CNTNAP2: variants seen among roughly 807,000 people sequenced by gnomAD.
The protein encoded by CNTNAP2 is contactin-associated protein-like 2.
A neutral mutation model predicts 155.2 loss-of-function variants in CNTNAP2; 98 were observed. The observed-to-expected ratio is 0.63, with a 90% CI of 0.54 to 0.75. The LOEUF is 0.75. Among genes scored for constraint, CNTNAP2 ranks in the 30% least tolerant of loss-of-function variants. The pLI, the probability that CNTNAP2 is intolerant of heterozygous loss-of-function variation, is 0.00. For synonymous variants in CNTNAP2, 651 were observed against 631.2 expected (o/e 1.03, Z -0.47); for missense variants, 1,727 against 1,688.1 (o/e 1.02, Z -0.40).
chr7:147,158,398 TATG>T (rs1208657842), intron 8 of CNTNAP2, among the ~76,000 whole-genome samples: 1 of 152,116 alleles, frequency 6.6e-6, no homozygotes, highest in Non-Finnish European at 1.5e-5. Context: ...TAATGCTATT[TATG>T]ATAATAGTTC....
At position 146,801,463 on chromosome 7, in the gene CNTNAP2, C is replaced by T. The variant is rs79135024; in HGVS notation, c.208+27082C>T. Reference sequence around the variant, plus strand: ...GGTACAAATTAAGTAATATATGTTCCATGGAATTATTAAACTTTCTCCACA... The same window carrying T: ...GGTACAAATTAAGTAATATATGTTCTATGGAATTATTAAACTTTCTCCACA... On this transcript the variant is annotated intron_variant, in intron 2 of 23. Transcript: ENST00000361727. Among the ~76,000 whole-genome samples, 95 of 152,192 alleles carry T rather than the reference C, an allele frequency of 6.2e-4. No individual in the cohort carries two copies. The East Asian group carries it at 0.018, about 28-fold the overall frequency.
At chr7:147,321,505 A>G (rs1318099505) in intron 9 of CNTNAP2, among the ~76,000 whole-genome samples, 3 of 152,138 alleles carry the variant, frequency 2.0e-5, no homozygotes, top group Non-Finnish European at 4.4e-5. Context: ...TAGACTGTCA[A>G]CATAAGAAGA....
chr7:146,227,982 T>C (rs1362520421), intron 1 of CNTNAP2, among the ~76,000 whole-genome samples: 1 of 152,146 alleles, frequency 6.6e-6, no homozygotes, highest in Non-Finnish European at 1.5e-5. Context: ...CTGTATTTGG[T>C]TTTGTTATTA....
chr7:147,354,116 C>T (rs1056128223), intron 9 of CNTNAP2, among the ~76,000 whole-genome samples: 6 of 152,018 alleles, frequency 3.9e-5, no homozygotes, highest in Non-Finnish European at 7.4e-5. Flanking sequence ...GTTTCTTTTG[C>T]TGTGCAGAAG....
chr7:147,463,025 A>G (rs1798051983), intron 10 of CNTNAP2, among the ~76,000 whole-genome samples: 1 of 152,330 alleles, frequency 6.6e-6, no homozygotes, highest in South Asian at 2.1e-4. Context: ...CTTTACTAAA[A>G]CAAAGCATGA....
chr7:147,305,695 C>A (rs1253000432), intron 9 of CNTNAP2, among the ~76,000 whole-genome samples: 4 of 152,102 alleles, frequency 2.6e-5, no homozygotes, highest in African/African-American at 9.7e-5. Context: ...CAAATTGAAT[C>A]CTAAACAAAC....
intron 7 of CNTNAP2, among the ~76,000 whole-genome samples, chr7:147,130,245 C>T (rs1801325614): frequency 1.3e-5 from 2 of 150,724 alleles, no homozygotes; most frequent in South Asian, 4.1e-4. Flanking sequence ...GAGACCATGT[C>T]TCTACAACAA....
At chr7:146,227,844 G>T (rs1051180783) in intron 1 of CNTNAP2, among the ~76,000 whole-genome samples, 7 of 152,200 alleles carry the variant, frequency 4.6e-5, no homozygotes, top group Non-Finnish European at 1.0e-4. Context: ...TAAATAAATA[G>T]GAGGTGAGAA....
intron 1 of CNTNAP2, among the ~76,000 whole-genome samples, chr7:146,346,074 G>A (rs1322808326): frequency 1.3e-5 from 2 of 152,176 alleles, no homozygotes; most frequent in Non-Finnish European, 2.9e-5. Flanking sequence ...ATTAATGCAA[G>A]ACACAGATCA....
At chr7:146,130,242 G>A (rs566991118) in intron 1 of CNTNAP2, among the ~76,000 whole-genome samples, 51 of 152,312 alleles carry the variant, frequency 3.3e-4, no homozygotes, top group Non-Finnish European at 5.3e-4. Flanking sequence ...CAAGAGGATT[G>A]CTTGAGGCCA....
chr7:146,721,369 A>ATATATACATTCTATATACATTC (rs879846295), intron 1 of CNTNAP2, among the ~76,000 whole-genome samples: 1 of 124,478 alleles, frequency 8.0e-6, no homozygotes, highest in Non-Finnish European at 1.6e-5. Context: ...TATACATTCT[A>ATATATACATTCTATATACATTC]TATATACATT....
chr7:147,542,944 T>C (rs1436448352), intron 11 of CNTNAP2, among the ~76,000 whole-genome samples: 3 of 152,132 alleles, frequency 2.0e-5, no homozygotes, highest in African/African-American at 7.2e-5. Flanking sequence ...AAACCTAGAT[T>C]TTCCTTTGGG....
At chr7:146,260,100 G>T (rs1161352595) in intron 1 of CNTNAP2, among the ~76,000 whole-genome samples, 1 of 152,222 alleles carries the variant, frequency 6.6e-6, no homozygotes, top group African/African-American at 2.4e-5. Context: ...GCTTCAGAGG[G>T]TGCAAGCCCC....
At chr7:147,003,055 A>T (rs111352330) in intron 3 of CNTNAP2, among the ~76,000 whole-genome samples, 2,248 of 152,072 alleles carry the variant, frequency 0.015, 62 homozygotes, top group African/African-American at 0.052. Flanking sequence ...ATTATGAGGA[A>T]GAGAAGTCCC....
intron 1 of CNTNAP2, among the ~76,000 whole-genome samples, chr7:146,186,398 G>A (rs187696283): frequency 9.2e-5 from 14 of 152,000 alleles, no homozygotes; most frequent in African/African-American, 2.7e-4. Context: ...AGAATTATAC[G>A]CTTTAAATTT....
intron 4 of CNTNAP2, among the ~76,000 whole-genome samples, chr7:147,071,009 T>A (rs1219660938): frequency 1.3e-5 from 2 of 152,048 alleles, no homozygotes; most frequent in Non-Finnish European, 2.9e-5. Flanking sequence ...CCTCTCTTTT[T>A]CTCCCAGGAC....
intron 14 of CNTNAP2, among the ~76,000 whole-genome samples, chr7:147,975,750 A>G (rs982033256): frequency 2.6e-5 from 4 of 152,194 alleles, no homozygotes; most frequent in African/African-American, 4.8e-5. Flanking sequence ...ATTTATTCTC[A>G]GTACATATTT....
chr7:148,272,510 C>A (rs10464426), intron 21 of CNTNAP2, among the ~76,000 whole-genome samples: 2 of 152,030 alleles, frequency 1.3e-5, no homozygotes, highest in Admixed American at 6.5e-5. Flanking sequence ...GCAAATGTCA[C>A]GAAGCTGAGA....
intron 8 of CNTNAP2, among the ~76,000 whole-genome samples, chr7:147,267,669 C>T (rs1238470361): frequency 6.8e-6 from 1 of 147,604 alleles, no homozygotes; most frequent in Non-Finnish European, 1.5e-5. Context: ...GCACTGTTAG[C>T]ATAGAATTGG....
Sources: allele counts gnomAD v4.1 joint callset (sites outside exome capture counted in the v4.1 genomes callset), GRCh38; gene constraint gnomAD v4.1.1; transcripts MANE v1.5; gene names NCBI Gene and HGNC (gene_info 2026-07-23, HGNC 2026-07-21).